Variants in NCOA1 observed in about 807,000 individuals in gnomAD.
NCOA1 encodes Hin-2 protein.
NCOA1 carries 35 observed loss-of-function variants against 150.9 expected under a neutral mutation model. That is an observed-to-expected ratio of 0.23 (90% CI 0.18 to 0.31). The LOEUF is 0.31. NCOA1 is among the 10% of genes least tolerant of loss of function. NCOA1 has a pLI of 1.00. For synonymous variants in NCOA1, 590 were observed against 630.0 expected (o/e 0.94, Z 0.95); for missense variants, 1,491 against 1,749.3 (o/e 0.85, Z 2.63).
At position 24,748,799 on chromosome 2, in the gene NCOA1, T is replaced by C. The variant is rs1035133577; in HGVS notation, c.3707-3183T>C. On this transcript the variant is annotated intron_variant, in intron 19 of 22. Coordinates refer to ENST00000348332, the MANE Select transcript of NCOA1 (RefSeq NM_003743.5). The stretch of plus-strand genomic sequence containing the variant: ...TAATAGTGACAGAACACAGTAGATA[T>C]TACACAGGCATATATGCATGTGTTC... Among the ~76,000 whole-genome samples, 4 of 152,196 alleles carry C rather than the reference T, an allele frequency of 2.6e-5. No individual in the cohort carries two copies. The East Asian group carries it at 7.7e-4, about 29-fold the overall frequency.
intron 3 of NCOA1, among the ~76,000 whole-genome samples, chr2:24,600,795 T>G (rs1258339265): frequency 2.0e-5 from 3 of 152,254 alleles, no homozygotes; most frequent in African/African-American, 7.2e-5. Flanking sequence ...CTCTTACTAT[T>G]ATTACTCTCA....
intron 17 of NCOA1, among the ~76,000 whole-genome samples, chr2:24,732,013 T>A (rs979785323): frequency 6.6e-6 from 1 of 152,224 alleles, no homozygotes; most frequent in Non-Finnish European, 1.5e-5. Flanking sequence ...TGTGCTAGTT[T>A]CTCATTTTAC....
chr2:24,737,020 G>T (rs1439274588), intron 17 of NCOA1, among the ~76,000 whole-genome samples: 3 of 152,144 alleles, frequency 2.0e-5, no homozygotes, highest in Non-Finnish European at 4.4e-5. Context: ...GAATGGGTTT[G>T]CCCTCTTCCG....
intron 3 of NCOA1, among the ~76,000 whole-genome samples, chr2:24,630,507 A>G (rs1558855812): frequency 3.3e-5 from 5 of 152,236 alleles, no homozygotes; most frequent in Admixed American, 2.6e-4. Flanking sequence ...CACATATCCA[A>G]GAAACTTTCT....
intron 3 of NCOA1, among the ~76,000 whole-genome samples, chr2:24,627,949 T>C (rs992092922): frequency 6.6e-6 from 1 of 152,236 alleles, no homozygotes; most frequent in Admixed American, 6.5e-5. Flanking sequence ...AATTGTGTTT[T>C]AGTTTTTCTT....
intron 1 of NCOA1, among the ~76,000 whole-genome samples, chr2:24,514,091 A>G (rs940001969): frequency 1.3e-5 from 2 of 151,678 alleles, no homozygotes; most frequent in East Asian, 1.9e-4. Flanking sequence ...GATCGAGACC[A>G]TCCTGGCTAA....
At position 24,762,649 on chromosome 2, in the gene NCOA1, ACT is replaced by A; in HGVS notation, c.4066-37_4066-36del. ...GAGAATTTGGTTTTCAGTTTAAACA[ACT>A]AGCTTGTAATTTGATCTTGTATTTA... On this transcript the variant is annotated intron_variant, in intron 21 of 22. Coordinates refer to ENST00000348332, the MANE Select transcript of NCOA1 (RefSeq NM_003743.5). 1.9e-6 allele frequency: 3 copies of A among 1,579,048 alleles called. No individual in the cohort carries two copies. The South Asian group carries it at 3.4e-5, about 18-fold the overall frequency.
chr2:24,661,189 C>T (rs1020024047), intron 5 of NCOA1, among the ~76,000 whole-genome samples: 1 of 152,112 alleles, frequency 6.6e-6, no homozygotes, highest in African/African-American at 2.4e-5. Flanking sequence ...TCACTGTTCT[C>T]TTCTCATGTT....
At chr2:24,713,911 A>G (rs1673886984) in intron 14 of NCOA1, among the ~76,000 whole-genome samples, 1 of 152,192 alleles carries the variant, frequency 6.6e-6, no homozygotes, top group South Asian at 2.1e-4. Context: ...AAAAATCTGA[A>G]TCAGGGTTCT....
chr2:24,562,073 C>A (rs1292363909), intron 1 of NCOA1, among the ~76,000 whole-genome samples: 1 of 151,836 alleles, frequency 6.6e-6, no homozygotes. Context: ...GCATTATCTA[C>A]TATTATTAAA....
intron 4 of NCOA1, among the ~76,000 whole-genome samples, chr2:24,645,843 C>G (rs369234120): frequency 6.6e-6 from 1 of 151,966 alleles, no homozygotes; most frequent in Non-Finnish European, 1.5e-5. Context: ...TTGGTTCTCC[C>G]TAAGGAGCAA....
intron 15 of NCOA1, among the ~76,000 whole-genome samples, chr2:24,727,936 T>A (rs1662784246): frequency 6.6e-6 from 1 of 152,222 alleles, no homozygotes; most frequent in Admixed American, 6.5e-5. Flanking sequence ...ATAAATAGAA[T>A]AAGTAGAATA....
intron 10 of NCOA1, among the ~76,000 whole-genome samples, chr2:24,696,527 C>A (rs1358980210): frequency 6.6e-6 from 1 of 152,212 alleles, no homozygotes; most frequent in Non-Finnish European, 1.5e-5. Context: ...CTAACTCTTA[C>A]ACATTGCTGG....
Position 24,768,880 on chromosome 2 carries a change from A to G in NCOA1, c.*489A>G. On this transcript the variant is annotated 3_prime_UTR_variant, in exon 23 of 23. Coordinates refer to ENST00000348332, the MANE Select transcript of NCOA1 (RefSeq NM_003743.5). ...CAGCAGCCCTCCCCATCCCAATCCC[A>G]GGCAGCTTGTGTGTACAATCAGCTT... 4.5e-6 allele frequency: 1 copy of G among 222,864 alleles called. No individual in the cohort carries two copies. The highest frequency in any genetic ancestry group is 9.0e-6 in the Non-Finnish European group (1 of 111,332). 13.8% of individuals were successfully genotyped at this position (222,864 alleles called of 1,614,324 possible).
intron 3 of NCOA1, among the ~76,000 whole-genome samples, chr2:24,631,418 T>C (rs1193831433): frequency 1.3e-5 from 2 of 152,200 alleles, no homozygotes; most frequent in Non-Finnish European, 2.9e-5. Flanking sequence ...AAATAAATAA[T>C]ATGTAAATCA....
intron 22 of NCOA1, 158 bp from the exon 23 acceptor site, chr2:24,768,063 G>T: frequency 6.2e-7 from 1 of 1,612,962 alleles, no homozygotes; most frequent in Non-Finnish European, 8.5e-7. Flanking sequence ...TGAGTGCAGC[G>T]ATTTTCTTTT....
intron 4 of NCOA1, among the ~76,000 whole-genome samples, chr2:24,652,552 G>T (rs557347884): frequency 7.8e-4 from 119 of 152,146 alleles, no homozygotes; most frequent in Non-Finnish European, 1.4e-3. Context: ...TTAAAATTAT[G>T]CAGTTCTCAG....
At chr2:24,652,245 A>G (rs1328060024) in intron 4 of NCOA1, among the ~76,000 whole-genome samples, 1 of 152,072 alleles carries the variant, frequency 6.6e-6, no homozygotes, top group Non-Finnish European at 1.5e-5. Flanking sequence ...TCCTTACCAC[A>G]TGAGAAAGAT....
At chr2:24,705,319 G>A (rs545113796) in intron 12 of NCOA1, 86 bp downstream of exon 12, 7 of 1,375,662 alleles carry the variant, frequency 5.1e-6, no homozygotes, top group African/African-American at 1.4e-5. Flanking sequence ...TTGATGGCTA[G>A]AAAGCAGAAA....
Sources: allele counts gnomAD v4.1 joint callset (sites outside exome capture counted in the v4.1 genomes callset), GRCh38; gene constraint gnomAD v4.1.1; transcripts MANE v1.5; gene names NCBI Gene and HGNC (gene_info 2026-07-23, HGNC 2026-07-21).